The following SNTB1 variants were observed in gnomAD, a reference collection of about 807,000 sequenced individuals.
The protein encoded by SNTB1 is syntrophin beta 1, also known as beta-1-syntrophin.
Under a neutral mutation model 48.9 loss-of-function variants are expected in SNTB1, and 36 were observed. The observed-to-expected ratio is 0.74, with a 90% CI of 0.56 to 0.97. The LOEUF is 0.97. SNTB1 is among the 50% of genes least tolerant of loss of function. The pLI is 0.00. For synonymous variants in SNTB1, 299 were observed against 294.6 expected (o/e 1.01, Z -0.15); for missense variants, 786 against 703.4 (o/e 1.12, Z -1.33).
chr8:120,549,090 C>A (rs1815434951), intron 4 of SNTB1, 132 bp from the exon 5 acceptor site: 2 of 664,344 alleles, frequency 3.0e-6, no homozygotes, highest in South Asian at 2.3e-5. Context: ...CTCCACTATA[C>A]CCTGCTCTTC....
intron 4 of SNTB1, among the ~76,000 whole-genome samples, chr8:120,560,963 G>A (rs1815644564): frequency 6.6e-6 from 1 of 152,158 alleles, no homozygotes; most frequent in Admixed American, 6.5e-5. Flanking sequence ...TGACTACAGA[G>A]TCCATACTCT....
chr8:120,685,635 A>G (rs1305913880), intron 2 of SNTB1, among the ~76,000 whole-genome samples: 3 of 152,040 alleles, frequency 2.0e-5, no homozygotes, highest in Non-Finnish European at 4.4e-5. Context: ...TAGCATTGGG[A>G]TTTCACCTAC....
intron 3 of SNTB1, among the ~76,000 whole-genome samples, chr8:120,604,106 A>T (rs1380655974): frequency 1.2e-4 from 18 of 152,120 alleles, no homozygotes. Context: ...ATAAAGAGGA[A>T]GGTGTAAGTT....
chr8:120,578,200 A>ATTT lies in SNTB1; in HGVS notation c.997-2978_997-2976dup, dbSNP rs369383766. Among the ~76,000 whole-genome samples, 418 of 146,964 alleles carry ATTT rather than the reference A, an allele frequency of 2.8e-3. 3 individuals carry two copies. The highest frequency in any genetic ancestry group is 4.4e-3 in the Non-Finnish European group (293 of 66,808). On this transcript the variant is annotated intron_variant, in intron 3 of 6. Coordinates refer to ENST00000517992, the MANE Select transcript of SNTB1 (RefSeq NM_021021.4). Reference sequence around the variant, plus strand: ...AGGCGCCCGCCATCACGCCCGGCTAATTTTTTTTTTTTTGTATTTTTAGTA... The same window carrying ATTT: ...AGGCGCCCGCCATCACGCCCGGCTAATTTTTTTTTTTTTTTTGTATTTTTAGTA...
chr8:120,562,530 C>T lies in SNTB1; in HGVS notation c.1136+12556G>A, dbSNP rs376994283. 4.3e-4 allele frequency among the ~76,000 whole-genome samples: 66 copies of T among 152,270 alleles called. No individual in the cohort carries two copies. The South Asian group carries it at 0.013, about 31-fold the overall frequency. ...GGCTGGGTGTGGAAGGCAAACCCCACACTTTTCAGTTTGACAGCATGTAGA... is the reference window on the plus strand; with the variant it reads ...GGCTGGGTGTGGAAGGCAAACCCCATACTTTTCAGTTTGACAGCATGTAGA... On this transcript the variant is annotated intron_variant, in intron 4 of 6. Transcript: ENST00000517992.
In SNTB1 at chr8:120,682,880, G is replaced by GTTT. The variant is rs759021409; in HGVS notation, c.788+10809_788+10811dup. Among the ~76,000 whole-genome samples the GTTT allele has an allele frequency of 1.6e-3, 200 of 127,382 alleles. 5 individuals are homozygous for GTTT. The highest frequency in any genetic ancestry group is 5.3e-3 in the African/African-American group (171 of 32,236). The allele number at this position is 127,382 out of a possible 152,430, so 83.6% of individuals were successfully genotyped here. ...ACTCATAGTTTTTTGTTTGTTTTTA[G>GTTT]TTTTTTTTTTTTTTTTTTTGAGATG... On this transcript the variant is annotated intron_variant, in intron 2 of 6. Coordinates refer to ENST00000517992, the MANE Select transcript of SNTB1 (RefSeq NM_021021.4).
rs1395742349 is a variant in SNTB1, at chr8:120,561,340, AGAAAAAAAG to A, written c.1137-12391_1137-12383del. 1.6e-4 allele frequency among the ~76,000 whole-genome samples: 7 copies of A among 44,124 alleles called. 1 individual carries two copies. Among genetic ancestry groups the A allele is most frequent in the South Asian group, 1.3e-3 (2 of 1,528 alleles). The allele number at this position is 44,124 out of a possible 152,430, so 28.9% of individuals were successfully genotyped here. On this transcript the variant is annotated intron_variant, in intron 4 of 6. Coordinates refer to ENST00000517992, the MANE Select transcript of SNTB1 (RefSeq NM_021021.4). ...ATCTCAAAAAAAAAAAAAAAAAAAA[AGAAAAAAAG>A]AAAAAAAAGAAACTTGAAAGGAAAG...
intron 3 of SNTB1, among the ~76,000 whole-genome samples, chr8:120,626,827 C>T (rs1251464479): frequency 6.6e-6 from 1 of 152,174 alleles, no homozygotes; most frequent in East Asian, 1.9e-4. Context: ...TTTACCTTCC[C>T]TAAGTTCTTC....
rs894826739 is a variant in SNTB1, at chr8:120,798,859, G to T, written c.571+12414C>A. Among the ~76,000 whole-genome samples the T allele has an allele frequency of 2.6e-5, 4 of 152,110 alleles. No homozygotes were observed. The South Asian group carries it at 6.2e-4, about 24-fold the overall frequency. On this transcript the variant is annotated intron_variant, in intron 1 of 6. Transcript: ENST00000517992. The stretch of plus-strand genomic sequence containing the variant: ...TTCTTCTGAACTCTTTTAGAATAAG[G>T]AATGTGATTATGATGAAGCCTAATG...
intron 1 of SNTB1, among the ~76,000 whole-genome samples, chr8:120,701,740 T>C (rs1818312374): frequency 6.6e-6 from 1 of 152,236 alleles, no homozygotes; most frequent in South Asian, 2.1e-4. Context: ...GCCAGCTGAA[T>C]CCTGGCATAA....
intron 2 of SNTB1, among the ~76,000 whole-genome samples, chr8:120,633,627 T>TAAAA (rs1817020915): frequency 2.0e-5 from 3 of 151,478 alleles, no homozygotes; most frequent in Admixed American, 6.6e-5. Context: ...ATAAAATAAA[T>TAAAA]TAAAATAAAA....
At chr8:120,605,280 C>A (rs1816495312) in intron 3 of SNTB1, among the ~76,000 whole-genome samples, 1 of 152,212 alleles carries the variant, frequency 6.6e-6, no homozygotes, top group Non-Finnish European at 1.5e-5. Flanking sequence ...TATCTGCTTT[C>A]CAGAGTCATT....
At chr8:120,717,040 T>C (rs1818570483) in intron 1 of SNTB1, among the ~76,000 whole-genome samples, 1 of 152,182 alleles carries the variant, frequency 6.6e-6, no homozygotes, top group Non-Finnish European at 1.5e-5. Context: ...TGTCACTGAA[T>C]CTCTCCTTGG....
intron 1 of SNTB1, among the ~76,000 whole-genome samples, chr8:120,807,796 A>G (rs1820360305): frequency 6.6e-6 from 1 of 152,256 alleles, no homozygotes. Flanking sequence ...GTTCAAGTAC[A>G]CAGTTCCAAG....
chr8:120,772,964 TCA>T (rs532668424), intron 1 of SNTB1, among the ~76,000 whole-genome samples: 7 of 152,012 alleles, frequency 4.6e-5, no homozygotes, highest in Non-Finnish European at 8.8e-5. Context: ...GCAAGATCAC[TCA>T]CAGATCACAG....
intron 1 of SNTB1, among the ~76,000 whole-genome samples, chr8:120,799,801 C>A (rs147955043): frequency 1.4e-4 from 21 of 151,984 alleles, no homozygotes; most frequent in African/African-American, 5.1e-4. Context: ...AAAGAAATAC[C>A]TAACAAATCT....
chr8:120,599,626 G>C (rs1258449938), intron 3 of SNTB1, among the ~76,000 whole-genome samples: 1 of 152,206 alleles, frequency 6.6e-6, no homozygotes, highest in Non-Finnish European at 1.5e-5. Context: ...ATTTGCTGGA[G>C]ATTGTTGGAG....
intron 4 of SNTB1, among the ~76,000 whole-genome samples, chr8:120,561,567 T>G (rs1815661660): frequency 1.3e-5 from 2 of 152,112 alleles, no homozygotes; most frequent in Admixed American, 1.3e-4. Flanking sequence ...TTTAAATAAT[T>G]TTTTGAATCT....
intron 1 of SNTB1, among the ~76,000 whole-genome samples, chr8:120,792,630 G>T (rs966850377): frequency 5.6e-4 from 85 of 151,998 alleles, no homozygotes; most frequent in African/African-American, 2.0e-3. Context: ...GTTTTTAGAT[G>T]GTAAATTGAA....
Sources: gnomAD v4.1 joint callset for allele counts (sites outside exome capture counted in the v4.1 genomes callset) on GRCh38, gnomAD v4.1.1 for gene constraint, MANE v1.5 for transcripts, NCBI Gene and HGNC (gene_info 2026-07-23, HGNC 2026-07-21) for gene names.